Variants in ZNF454 observed in about 807,000 individuals in gnomAD.
ZNF454 encodes the protein zinc finger protein 454.
A neutral mutation model predicts 48.2 loss-of-function variants in ZNF454; 30 were observed. The observed-to-expected ratio is 0.62, with a 90% confidence interval of 0.47 to 0.84. The LOEUF (loss-of-function observed/expected upper bound fraction) is 0.84. Among genes scored for constraint, ZNF454 ranks in the 40% least tolerant of loss-of-function variants. ZNF454 has a pLI of 0.00. For synonymous variants in ZNF454, 204 were observed against 211.4 expected (o/e 0.97, Z 0.30); for missense variants, 510 against 623.1 (o/e 0.82, Z 1.93).
chr5:178,980,708 A>C, the ZNF454 span: 1 of 152,308 alleles, frequency 6.6e-6, no homozygotes, highest in African/African-American at 2.4e-5. This position sits in a 1 kb window ranked among gnomAD's most constrained non-coding sequence, Gnocchi z 4.3. Context: ...ATCACAGCTC[A>C]CTGCAACCTC....
chr5:178,948,634 G>T (rs1759432728), intron 4 of ZNF454, among the ~76,000 whole-genome samples: 1 of 152,154 alleles, frequency 6.6e-6, no homozygotes, highest in African/African-American at 2.4e-5. Context: ...CCGCAGGCAT[G>T]ATTTCTGAGT....
the ZNF454 span, chr5:178,986,561 TG>T: frequency 1.2e-6 from 2 of 1,607,878 alleles, no homozygotes; most frequent in East Asian, 2.2e-5. Context: ...TGGTTGGGCG[TG>T]GGCCTCATGT....
At position 178,941,401 on chromosome 5, in the gene ZNF454, C is replaced by A. The variant is rs1217867446; in HGVS notation, c.-151C>A. The A allele has an allele frequency of 2.2e-6, 1 of 456,696 alleles. No individual in the cohort carries two copies. Among genetic ancestry groups the A allele is most frequent in the South Asian group, 1.5e-5 (1 of 64,562 alleles). The allele number at this position is 456,696 out of a possible 1,614,324, so 28.3% of individuals were successfully genotyped here. ...AAGCCGAGGAGGTGCGGGTTGTGGTCCATTCTGGAGGACGCTGATCGAATG... is the reference window on the plus strand; with the variant it reads ...AAGCCGAGGAGGTGCGGGTTGTGGTACATTCTGGAGGACGCTGATCGAATG... On this transcript the variant is annotated 5_prime_UTR_variant, in exon 1 of 5. Transcript: ENST00000519564. The surrounding 1 kb of genome is among the most constrained non-coding windows in gnomAD (Gnocchi z 5.5).
rs1369074314 is a variant in ZNF454, at chr5:178,956,671, TTTAATTTATTTATTTATTTA to T, written c.251-7981_251-7962del. On this transcript the variant is annotated intron_variant, in intron 4 of 4. Coordinates refer to ENST00000519564, the MANE Select transcript of ZNF454 (RefSeq NM_001178089.3). ...TTAAACCAGTCTTTATTTTATTTTA[TTTAATTTATTTATTTATTTA>T]TTTATTTATTTATTTATTTATTTAT... Among the ~76,000 whole-genome samples the T allele has an allele frequency of 6.1e-4, 74 of 121,014 alleles. 1 individual carries two copies. The highest frequency in any genetic ancestry group is 3.1e-3 in the East Asian group (13 of 4,148). The allele number at this position is 121,014 out of a possible 152,430, so 79.4% of individuals were successfully genotyped here.
the ZNF454 span, among the ~76,000 whole-genome samples, chr5:178,976,549 G>A: frequency 6.6e-6 from 1 of 152,162 alleles, no homozygotes; most frequent in East Asian, 1.9e-4. Context: ...GGGTCTGTGT[G>A]GGCAGTGATT....
At chr5:178,974,920 G>C in the ZNF454 span, among the ~76,000 whole-genome samples, 1 of 152,216 alleles carries the variant, frequency 6.6e-6, no homozygotes, top group Non-Finnish European at 1.5e-5. Context: ...GACCACCACG[G>C]ATCTCAGGAA....
At chr5:178,985,723 C>CG in the ZNF454 span, 1 of 378,176 alleles carries the variant, frequency 2.6e-6, no homozygotes, top group Non-Finnish European at 5.1e-6. Flanking sequence ...AACAAAACAA[C>CG]ACAGGAACCA....
chr5:178,983,852 A>G, the ZNF454 span, among the ~76,000 whole-genome samples: 1,741 of 152,302 alleles, frequency 0.011, 27 homozygotes, highest in African/African-American at 0.04. Context: ...CCACCTGCAT[A>G]AAGGCGGGAC....
At position 178,942,683 on chromosome 5, in the gene ZNF454, AG is replaced by A. The variant is rs1422623300; in HGVS notation, c.-107-1del. 1 of 1,248,590 alleles carries A rather than the reference AG, an allele frequency of 8.0e-7. No homozygotes were observed. Among genetic ancestry groups the A allele is most frequent in the East Asian group, 2.3e-5 (1 of 42,748 alleles). 77.3% of individuals were successfully genotyped at this position (1,248,590 alleles called of 1,614,324 possible). A position where few individuals can be genotyped will look rare whatever the true frequency, so the allele number is the denominator to read the frequency against. The stretch of plus-strand genomic sequence containing the variant: ...GCTTTTGACCCAGTTCTCTCCTAAT[AG>A]CAGGTGTGTGGACCCTTCTAGCCTG... On this transcript the variant is annotated splice_acceptor_variant, in intron 1 of 4. Coordinates refer to ENST00000519564, the MANE Select transcript of ZNF454 (RefSeq NM_001178089.3). LOFTEE classifies it low-confidence loss of function (5UTR_SPLICE).
At chr5:178,987,359 G>A in the ZNF454 span, 2 of 474,084 alleles carry the variant, frequency 4.2e-6, no homozygotes, top group South Asian at 1.5e-5. Context: ...TGCTTGTACA[G>A]CCACGTTCAC....
chr5:178,986,205 C>CT, the ZNF454 span: 2 of 1,614,138 alleles, frequency 1.2e-6, no homozygotes, highest in South Asian at 2.2e-5. Context: ...TGACCGAGCG[C>CT]TTGCCCTGCT....
At chr5:178,945,601 G>A (rs1400283755) in intron 2 of ZNF454, among the ~76,000 whole-genome samples, 1 of 147,912 alleles carries the variant, frequency 6.8e-6, no homozygotes, top group African/African-American at 2.5e-5. Flanking sequence ...GTGTCTCTGT[G>A]TGTAGGGGGT....
the ZNF454 span, chr5:178,987,047 G>A: frequency 2.5e-5 from 39 of 1,538,516 alleles, no homozygotes; most frequent in Non-Finnish European, 3.4e-5. Flanking sequence ...TCCTGGGGAG[G>A]CCCCAGGGAC....
At chr5:178,967,742 CTTTTT>C (rs10694687), downstream of ZNF454, among the ~76,000 whole-genome samples, 1 of 129,512 alleles carries the variant, frequency 7.7e-6, no homozygotes, top group Non-Finnish European at 1.6e-5. Flanking sequence ...TTTTCTTTTT[CTTTTT>C]TTTTTTTTTT....
Position 178,947,059 on chromosome 5 carries a change from G to A in ZNF454, c.250+73G>A. The A allele has an allele frequency of 3.2e-6, 4 of 1,237,872 alleles. No individual in the cohort carries two copies. The South Asian group carries it at 5.3e-5, about 16-fold the overall frequency. The allele number at this position is 1,237,872 out of a possible 1,614,324, so 76.7% of individuals were successfully genotyped here. ...GGGAAGGCTCCGTAGGGAAGGCAGG[G>A]AGGCTTGCAGATGCACCTGCCTGAG... On this transcript the variant is annotated intron_variant, in intron 4 of 4. Transcript: ENST00000519564.
the ZNF454 span, chr5:178,988,918 G>A: frequency 6.2e-7 from 1 of 1,601,292 alleles, no homozygotes; most frequent in Non-Finnish European, 8.5e-7. The surrounding 1 kb of genome is among the most constrained non-coding windows in gnomAD (Gnocchi z 6.0). Flanking sequence ...GCTGCAGGGG[G>A]GCAGGCACCC....
At chr5:178,983,604 G>A in the ZNF454 span, 1 of 404,352 alleles carries the variant, frequency 2.5e-6, no homozygotes, top group Non-Finnish European at 4.9e-6. Flanking sequence ...CTCTGGAACT[G>A]AGGCCCTACT....
chr5:178,986,656 C>T, the ZNF454 span: 7 of 1,602,698 alleles, frequency 4.4e-6, no homozygotes, highest in South Asian at 6.6e-5. Flanking sequence ...GCAGGGGACG[C>T]CCTTCACCAT....
the ZNF454 span, chr5:178,986,918 G>A: frequency 1.2e-6 from 2 of 1,614,120 alleles, no homozygotes; most frequent in Non-Finnish European, 1.7e-6. Flanking sequence ...GCCTGGTACT[G>A]GAAGATGTCG....
Sources: gnomAD v4.1 joint callset for allele counts (sites outside exome capture counted in the v4.1 genomes callset) on GRCh38, gnomAD v4.1.1 for gene constraint, Gnocchi (gnomAD v3.1) non-coding constraint, MANE v1.5 for transcripts, NCBI Gene and HGNC (gene_info 2026-07-23, HGNC 2026-07-21) for gene names.